The following ANO6 variants were observed in gnomAD, a reference collection of about 807,000 sequenced individuals.
ANO6 encodes anoctamin-6.
ANO6 carries 106 observed loss-of-function variants against 117.5 expected under a neutral mutation model. That is an observed-to-expected ratio of 0.90 (90% CI 0.77 to 1.06). The LOEUF (loss-of-function observed/expected upper bound fraction) is 1.06. ANO6 is among the 50% of genes least tolerant of loss of function. The pLI is 0.00. For missense variants in ANO6, 955 were observed against 1,121.1 expected (o/e 0.85, Z 2.12); for synonymous variants, 367 against 385.1 (o/e 0.95, Z 0.55).
chr12:45,412,439 A>G (rs1321510462), intron 16 of ANO6, among the ~76,000 whole-genome samples: 1 of 152,214 alleles, frequency 6.6e-6, no homozygotes, highest in Non-Finnish European at 1.5e-5. Flanking sequence ...TGACCTTCAT[A>G]TATGATTTTC....
chr12:45,250,647 C>A (rs950245429), intron 1 of ANO6, among the ~76,000 whole-genome samples: 1 of 151,884 alleles, frequency 6.6e-6, no homozygotes, highest in African/African-American at 2.4e-5. Flanking sequence ...AAGTGATCCT[C>A]CCACTTCTGC....
rs139940059 is a variant in ANO6, at chr12:45,272,260, A to G, written c.71-29754A>G. Among the ~76,000 whole-genome samples the G allele has an allele frequency of 9.5e-3, 1,445 of 152,030 alleles. 15 individuals carry two copies. The highest frequency in any genetic ancestry group is 0.017 in the Admixed American group (267 of 15,270). On this transcript the variant is annotated intron_variant, in intron 1 of 19. Coordinates refer to ENST00000320560, the MANE Select transcript of ANO6 (RefSeq NM_001025356.3). ...AACAAAAACTACTAATGAGTAACCA[A>G]CTTCTATCACACAAACTTCAGAGGC...
intron 2 of ANO6, among the ~76,000 whole-genome samples, chr12:45,319,376 T>C (rs1310893457): frequency 2.6e-5 from 4 of 152,212 alleles, no homozygotes; most frequent in Non-Finnish European, 4.4e-5. Flanking sequence ...GAGATAATCA[T>C]GTGGTTTTTG....
chr12:45,326,151 G>A (rs1940454077), intron 2 of ANO6, among the ~76,000 whole-genome samples: 1 of 152,146 alleles, frequency 6.6e-6, no homozygotes, highest in Admixed American at 6.6e-5. Flanking sequence ...TAGAACTCTA[G>A]AGTTTAACAC....
chr12:45,311,151 A>G lies in ANO6; in HGVS notation c.150+9058A>G, dbSNP rs535992972. On this transcript the variant is annotated intron_variant, in intron 2 of 19. Coordinates refer to ENST00000320560, the MANE Select transcript of ANO6 (RefSeq NM_001025356.3). The stretch of plus-strand genomic sequence containing the variant: ...GAAGAAATGTGTGCCTGGTGACAGC[A>G]TGCTTATCTGGGCAGTTATTCTTAA... Among the ~76,000 whole-genome samples the G allele has an allele frequency of 6.6e-5, 10 of 152,202 alleles. No individual in the cohort carries two copies. In the East Asian group the frequency reaches 1.2e-3, roughly 18 times the overall value.
chr12:45,323,935 A>ATTTTTTTTTTTTT (rs761870704), intron 2 of ANO6, among the ~76,000 whole-genome samples: 1 of 108,330 alleles, frequency 9.2e-6, no homozygotes, highest in Non-Finnish European at 1.8e-5. Context: ...TTGTTGTTGT[A>ATTTTTTTTTTTTT]TTTTTTTTTT....
At chr12:45,270,773 A>ATTT (rs2137233038) in intron 1 of ANO6, among the ~76,000 whole-genome samples, 1 of 151,188 alleles carries the variant, frequency 6.6e-6, no homozygotes, top group East Asian at 2.0e-4. Context: ...TTTTTTTTTG[A>ATTT]GACAGTCTCA....
At chr12:45,253,629 T>C (rs1937704931) in intron 1 of ANO6, among the ~76,000 whole-genome samples, 1 of 152,194 alleles carries the variant, frequency 6.6e-6, no homozygotes, top group African/African-American at 2.4e-5. Flanking sequence ...GTTCCACCGA[T>C]GTTACATGAA....
chr12:45,219,595 C>T (rs961973225), intron 1 of ANO6, among the ~76,000 whole-genome samples: 3 of 149,804 alleles, frequency 2.0e-5, no homozygotes, highest in African/African-American at 7.4e-5. Context: ...TATCCTACCT[C>T]GGCTTCCCAA....
At chr12:45,416,328 T>A (rs201094532) in intron 16 of ANO6, among the ~76,000 whole-genome samples, 1 of 150,190 alleles carries the variant, frequency 6.7e-6, no homozygotes, top group Non-Finnish European at 1.5e-5. Context: ...TCTTTTTTCT[T>A]AAAAAAAAAA....
chr12:45,234,488 T>TA (rs1374392221), intron 1 of ANO6, among the ~76,000 whole-genome samples: 1 of 152,218 alleles, frequency 6.6e-6, no homozygotes, highest in Non-Finnish European at 1.5e-5. Flanking sequence ...ACGGAAAAGT[T>TA]AGAGTGACCT....
At chr12:45,221,004 C>G (rs903699788) in intron 1 of ANO6, among the ~76,000 whole-genome samples, 3 of 151,536 alleles carry the variant, frequency 2.0e-5, no homozygotes, top group African/African-American at 4.9e-5. Flanking sequence ...AATTTGTAGC[C>G]GGTGGGTCAG....
chr12:45,436,258 CAG>C (rs1431636516), downstream of ANO6, among the ~76,000 whole-genome samples: 2 of 152,194 alleles, frequency 1.3e-5, no homozygotes, highest in Admixed American at 1.3e-4. Context: ...AGCCACCAAT[CAG>C]GGCATAGCTG....
At chr12:45,314,038 G>T (rs1313091272) in intron 2 of ANO6, among the ~76,000 whole-genome samples, 1 of 151,998 alleles carries the variant, frequency 6.6e-6, no homozygotes, top group Non-Finnish European at 1.5e-5. Flanking sequence ...AGTGTTAGTC[G>T]TGCAGTTGAC....
rs192854144 is a variant in ANO6, at chr12:45,277,437, C to T, written c.71-24577C>T. 7.9e-5 allele frequency among the ~76,000 whole-genome samples: 12 copies of T among 152,336 alleles called. No homozygotes were observed. The East Asian group carries it at 1.4e-3, about 17-fold the overall frequency. The stretch of plus-strand genomic sequence containing the variant: ...CCTTTGGGGGAGATTCCTCCCACAG[C>T]CTTCTGATCTCCTCCACGCTGCCCA... On this transcript the variant is annotated intron_variant, in intron 1 of 19. Transcript: ENST00000320560.
chr12:45,363,144 A>G (rs1466610109), intron 8 of ANO6, among the ~76,000 whole-genome samples: 1 of 152,114 alleles, frequency 6.6e-6, no homozygotes, highest in Non-Finnish European at 1.5e-5. Context: ...GAAAATTTGC[A>G]TTATACTTAC....
chr12:45,420,255 G>GTGTT (rs752512840), intron 17 of ANO6, among the ~76,000 whole-genome samples: 6 of 152,130 alleles, frequency 3.9e-5, no homozygotes, highest in Non-Finnish European at 8.8e-5. Context: ...TTTACCTTCT[G>GTGTT]TGTTTATGAA....
At chr12:45,411,072 T>G (rs1943074997) in intron 16 of ANO6, among the ~76,000 whole-genome samples, 2 of 152,244 alleles carry the variant, frequency 1.3e-5, no homozygotes, top group African/African-American at 4.8e-5. Context: ...AAATGAGTCA[T>G]AATTGTAAAT....
intron 6 of ANO6, among the ~76,000 whole-genome samples, chr12:45,349,825 G>A (rs946686988): frequency 2.0e-5 from 3 of 152,154 alleles, no homozygotes; most frequent in Admixed American, 6.5e-5. Context: ...AGCTAATTGC[G>A]AATAACAGGA....
Sources: gnomAD v4.1 joint callset for allele counts (sites outside exome capture counted in the v4.1 genomes callset) on GRCh38, gnomAD v4.1.1 for gene constraint, MANE v1.5 for transcripts, NCBI Gene and HGNC (gene_info 2026-07-23, HGNC 2026-07-21) for gene names.